The following CACNA1C variants were observed in gnomAD, a reference collection of about 807,000 sequenced individuals.
CACNA1C encodes calcium voltage-gated channel subunit alpha1 C, also known as voltage-dependent L-type calcium channel subunit alpha-1C.
CACNA1C carries 30 observed loss-of-function variants against 229.0 expected under a neutral mutation model. The ratio of observed to expected loss-of-function variants is 0.13; its 90% CI spans 0.10 to 0.18. The LOEUF is 0.18. Ranked by LOEUF, CACNA1C falls within the 10% of genes least tolerant of loss-of-function variation. CACNA1C has a pLI of 1.00. For missense variants in CACNA1C, 1,658 were observed against 2,845.0 expected, an observed-to-expected ratio of 0.58 and a Z score of 9.49; for synonymous variants, 1,114 against 1,132.5, an observed-to-expected ratio of 0.98 and a Z score of 0.33.
chr12:2,263,989 G>A (rs940559680), intron 3 of CACNA1C, among the ~76,000 whole-genome samples: 2 of 152,188 alleles, frequency 1.3e-5, no homozygotes, highest in Non-Finnish European at 2.9e-5. Context: ...ATAAAGGAAA[G>A]GAAATCTCAG....
intron 45 of CACNA1C, among the ~76,000 whole-genome samples, chr12:2,687,972 C>T (rs1049756931): frequency 7.2e-5 from 11 of 152,246 alleles, no homozygotes; most frequent in African/African-American, 2.4e-4. Context: ...GTTTTCCCAA[C>T]TCTTTGTGAG....
chr12:2,164,044 G>A (rs1008443988), intron 3 of CACNA1C, among the ~76,000 whole-genome samples: 2 of 152,278 alleles, frequency 1.3e-5, no homozygotes, highest in South Asian at 2.1e-4. Flanking sequence ...AGGGCCTGGA[G>A]TGGGCTTCCT....
chr12:2,364,094 A>G (rs949995223), intron 3 of CACNA1C, among the ~76,000 whole-genome samples: 3 of 150,092 alleles, frequency 2.0e-5, no homozygotes, highest in African/African-American at 7.3e-5. Flanking sequence ...GCCCCAGACC[A>G]GCCCCAAGGT....
intron 9 of CACNA1C, among the ~76,000 whole-genome samples, chr12:2,516,916 G>A (rs991335318): frequency 1.3e-5 from 2 of 152,164 alleles, no homozygotes; most frequent in African/African-American, 2.4e-5. Flanking sequence ...AGATCACTGG[G>A]GTGTGAGTGT....
chr12:2,435,090 T>C (rs917710652), intron 3 of CACNA1C, among the ~76,000 whole-genome samples: 12 of 152,086 alleles, frequency 7.9e-5, no homozygotes, highest in African/African-American at 1.2e-4. Context: ...GCAGAGGCTT[T>C]CCCCCACCGT....
chr12:2,626,637 C>G lies in CACNA1C; in HGVS notation c.3829-7660C>G, dbSNP rs950500796. Among the ~76,000 whole-genome samples the G allele has an allele frequency of 2.6e-5, 4 of 152,264 alleles. No individual in the cohort carries two copies. The South Asian group carries it at 8.3e-4, about 32-fold the overall frequency. On this transcript the variant is annotated intron_variant, in intron 29 of 46. Transcript: ENST00000399655. Reference sequence around the variant, plus strand: ...ATTCAGCACCCTAGTCCTGGAGGCACCTTTGCAGAAAACGGCTCATTTATT... The same window carrying G: ...ATTCAGCACCCTAGTCCTGGAGGCAGCTTTGCAGAAAACGGCTCATTTATT...
rs2153232358 is a variant in CACNA1C, at chr12:2,585,807, T to C, written c.2461-28T>C. 1.3e-6 allele frequency: 2 copies of C among 1,537,962 alleles called. No individual in the cohort carries two copies. Among genetic ancestry groups the C allele is most frequent in the South Asian group, 1.2e-5 (1 of 86,734 alleles). Reference sequence around the variant, plus strand: ...AACTTGGGGACGTATCTAACTATTCTTCCCCCTTCTCCCCTGTGACTGTCT... The same window carrying C: ...AACTTGGGGACGTATCTAACTATTCCTCCCCCTTCTCCCCTGTGACTGTCT... On this transcript the variant is annotated intron_variant, in intron 17 of 46. Coordinates refer to ENST00000399655, the MANE Select transcript of CACNA1C (RefSeq NM_000719.7). The surrounding 1 kb of genome is among the most constrained non-coding windows in gnomAD (Gnocchi z 4.1).
At chr12:2,463,308 A>G (rs982024191) in intron 5 of CACNA1C, among the ~76,000 whole-genome samples, 4 of 152,210 alleles carry the variant, frequency 2.6e-5, no homozygotes, top group African/African-American at 9.6e-5. Flanking sequence ...GTACAAGTCC[A>G]TGAGTCATTT....
intron 3 of CACNA1C, among the ~76,000 whole-genome samples, chr12:2,241,079 G>T (rs567998630): frequency 6.6e-6 from 1 of 152,108 alleles, no homozygotes; most frequent in Non-Finnish European, 1.5e-5. Context: ...ACGAGGTGAG[G>T]GGGGTGGGAA....
At chr12:2,429,485 G>A (rs761386016) in intron 3 of CACNA1C, among the ~76,000 whole-genome samples, 1 of 152,086 alleles carries the variant, frequency 6.6e-6, no homozygotes, top group East Asian at 1.9e-4. Flanking sequence ...GAAAACTTAG[G>A]TATAAGCCCA....
At chr12:2,235,192 G>A (rs1455719536) in intron 3 of CACNA1C, among the ~76,000 whole-genome samples, 1 of 152,200 alleles carries the variant, frequency 6.6e-6, no homozygotes, top group Non-Finnish European at 1.5e-5. Flanking sequence ...AACACTGTCT[G>A]TGGTACAGGG....
chr12:2,036,184 C>T (rs1023854316), intron 1 of CACNA1C, among the ~76,000 whole-genome samples: 4 of 152,152 alleles, frequency 2.6e-5, no homozygotes, highest in Non-Finnish European at 2.9e-5. Flanking sequence ...CATTGAAAAG[C>T]GTGTAGCTGA....
At chr12:2,041,294 TGAGACGGAGTC>T (rs2050051723) in intron 1 of CACNA1C, among the ~76,000 whole-genome samples, 1 of 140,578 alleles carries the variant, frequency 7.1e-6, no homozygotes, top group Non-Finnish European at 1.5e-5. Flanking sequence ...TTTTTTTTTT[TGAGACGGAGTC>T]TTGCTGTTTC....
At chr12:2,443,893 C>T (rs1197444566) in intron 3 of CACNA1C, among the ~76,000 whole-genome samples, 1 of 152,096 alleles carries the variant, frequency 6.6e-6, no homozygotes, top group African/African-American at 2.4e-5. Flanking sequence ...TAAAGTAATT[C>T]TAGAAGGGCA....
At chr12:2,093,435 G>A (rs1246573716) in intron 1 of CACNA1C, among the ~76,000 whole-genome samples, 1 of 152,252 alleles carries the variant, frequency 6.6e-6, no homozygotes, top group East Asian at 1.9e-4. Flanking sequence ...AGCAGGAGGA[G>A]AAGTTACATG....
chr12:2,267,904 C>T (rs578155368), intron 3 of CACNA1C, among the ~76,000 whole-genome samples: 24 of 152,180 alleles, frequency 1.6e-4, no homozygotes, highest in South Asian at 2.1e-4. Context: ...CTTTTGGTCT[C>T]GGAGCACCCG....
intron 3 of CACNA1C, among the ~76,000 whole-genome samples, chr12:2,367,998 G>T (rs1374519100): frequency 2.6e-5 from 4 of 152,074 alleles, no homozygotes; most frequent in Admixed American, 6.5e-5. Flanking sequence ...GAATCCATTG[G>T]ATTCACAGTT....
At chr12:2,140,213 C>T (rs1277594988) in intron 3 of CACNA1C, among the ~76,000 whole-genome samples, 5 of 151,314 alleles carry the variant, frequency 3.3e-5, no homozygotes, top group Non-Finnish European at 5.9e-5. Flanking sequence ...CCCCAGCTCA[C>T]TCTGGGAACA....
intron 3 of CACNA1C, among the ~76,000 whole-genome samples, chr12:2,342,470 G>C (rs559969390): frequency 2.6e-4 from 40 of 152,284 alleles, no homozygotes; most frequent in East Asian, 2.5e-3. Flanking sequence ...ATAACAGCCA[G>C]TTGCTTTGAA....
Sources: gnomAD v4.1 joint callset for allele counts (sites outside exome capture counted in the v4.1 genomes callset) on GRCh38, gnomAD v4.1.1 for gene constraint, Gnocchi (gnomAD v3.1) non-coding constraint, MANE v1.5 for transcripts, NCBI Gene and HGNC (gene_info 2026-07-23, HGNC 2026-07-21) for gene names.